MYO1E: variants seen among roughly 807,000 people sequenced by gnomAD.
MYO1E encodes unconventional myosin-Ie.
MYO1E carries 68 observed loss-of-function variants against 151.1 expected under a neutral mutation model. That is an observed-to-expected ratio of 0.45 (90% CI 0.37 to 0.55). MYO1E has a LOEUF of 0.55. Among genes scored for constraint, MYO1E ranks in the 20% least tolerant of loss-of-function variants. MYO1E has a pLI of 0.00. For synonymous variants in MYO1E, 601 were observed against 501.7 expected (o/e 1.20, Z -2.64); for missense variants, 1,363 against 1,389.3 (o/e 0.98, Z 0.30).
chr15:59,359,101 T>G (rs1158077639), intron 1 of MYO1E, among the ~76,000 whole-genome samples: 1 of 151,940 alleles, frequency 6.6e-6, no homozygotes, highest in Non-Finnish European at 1.5e-5. Context: ...CTTCTCATCT[T>G]GACATTCTAT....
chr15:59,161,203 G>C lies in MYO1E; in HGVS notation c.2655C>G (p.Asn885Lys), dbSNP rs771221933. 1.2e-6 allele frequency: 2 copies of C among 1,613,930 alleles called. No homozygotes were observed. The highest frequency in any genetic ancestry group is 1.7e-6 in the Non-Finnish European group (2 of 1,179,860). Residue 885 changes from asparagine (N) to lysine (K), a missense_variant, in exon 24 of 28, where the codon AAC becomes AAG. By Grantham distance (94) the Asn-to-Lys change is moderately conservative. Transcript: ENST00000288235. ...NTLELKLKKE[N>K]WGPWSAGGSR... Reference sequence around the variant, plus strand: ...AGCCCCCTGCACTCCAGGGGCCCCAGTTTTCCTTTTTCAACTTCAGTTCAA... The same window carrying C: ...AGCCCCCTGCACTCCAGGGGCCCCACTTTTCCTTTTTCAACTTCAGTTCAA...
intron 26 of MYO1E, among the ~76,000 whole-genome samples, chr15:59,150,562 C>T (rs1257541350): frequency 3.9e-5 from 6 of 152,182 alleles, no homozygotes; most frequent in Non-Finnish European, 1.5e-5. Context: ...CTTTTAATAC[C>T]CTGCCTACTT....
chr15:59,213,800 C>A (rs2079896381), intron 12 of MYO1E, among the ~76,000 whole-genome samples: 1 of 152,148 alleles, frequency 6.6e-6, no homozygotes, highest in African/African-American at 2.4e-5. Context: ...AGGCATGTTA[C>A]CTCAGGTAAG....
chr15:59,208,187 A>G, intron 14 of MYO1E: 1 of 1,074,836 alleles, frequency 9.3e-7, no homozygotes. Flanking sequence ...AGATGGAAAC[A>G]GGAAAGTAGG....
At position 59,134,326 on chromosome 15, in the gene MYO1E, CTT is replaced by C. The variant is rs1254812080; in HGVS notation, c.*3052_*3053del. 1 of 152,214 alleles carries C rather than the reference CTT, an allele frequency of 6.6e-6. No individual in the cohort carries two copies. Among genetic ancestry groups the C allele is most frequent in the East Asian group, 1.9e-4 (1 of 5,198 alleles). The allele number at this position is 152,214 out of a possible 1,614,324, so 9.4% of individuals were successfully genotyped here. A position where few individuals can be genotyped will look rare whatever the true frequency, so the allele number is the denominator to read the frequency against. The stretch of plus-strand genomic sequence containing the variant: ...CAAGCTTATTCAAGAAGGCTTCACC[CTT>C]TGTCCTCTCCACATGTCTCTGTATT... On this transcript the variant is annotated 3_prime_UTR_variant, in exon 28 of 28. Coordinates refer to ENST00000288235, the MANE Select transcript of MYO1E (RefSeq NM_004998.4).
intron 1 of MYO1E, among the ~76,000 whole-genome samples, chr15:59,298,359 G>T (rs1168031145): frequency 6.6e-6 from 1 of 152,192 alleles, no homozygotes; most frequent in East Asian, 1.9e-4. Context: ...GTTCCAGAGA[G>T]GCTGAGGTTG....
intron 1 of MYO1E, among the ~76,000 whole-genome samples, chr15:59,355,930 G>A (rs1310979117): frequency 6.6e-6 from 1 of 152,092 alleles, no homozygotes; most frequent in Non-Finnish European, 1.5e-5. Context: ...TGTTGCCCAG[G>A]CTGGTTTCGA....
Position 59,223,200 on chromosome 15 carries a change from G to C in MYO1E, c.778-9C>G. The C allele has an allele frequency of 6.2e-7, 1 of 1,610,744 alleles. No homozygotes were observed. The highest frequency in any genetic ancestry group is 8.5e-7 in the Non-Finnish European group (1 of 1,178,284). On this transcript the variant is annotated splice_polypyrimidine_tract_variant and intron_variant, in intron 8 of 27. Coordinates refer to ENST00000288235, the MANE Select transcript of MYO1E (RefSeq NM_004998.4). ...ATCACATTCATGGCGTGCTGGAAGAGAAAAGAGAAACTATCCAGAGAAGCT... is the reference window on the plus strand; with the variant it reads ...ATCACATTCATGGCGTGCTGGAAGACAAAAGAGAAACTATCCAGAGAAGCT...
At chr15:59,202,650 T>A (rs2079809305) in intron 15 of MYO1E, among the ~76,000 whole-genome samples, 1 of 152,178 alleles carries the variant, frequency 6.6e-6, no homozygotes, top group Non-Finnish European at 1.5e-5. Context: ...GCAAAATAAA[T>A]TTTAAAACAA....
intron 1 of MYO1E, among the ~76,000 whole-genome samples, chr15:59,302,790 T>G (rs1401894612): frequency 3.3e-5 from 5 of 152,186 alleles, no homozygotes; most frequent in African/African-American, 1.2e-4. Context: ...ATATAAATTA[T>G]ACAAATATGT....
chr15:59,340,172 T>C (rs1367488815), intron 1 of MYO1E, among the ~76,000 whole-genome samples: 2 of 152,080 alleles, frequency 1.3e-5, no homozygotes, highest in Admixed American at 6.5e-5. Flanking sequence ...AAATATTTTT[T>C]AAATTGGCTG....
chr15:59,356,878 A>C (rs2080855944), intron 1 of MYO1E, among the ~76,000 whole-genome samples: 1 of 132,672 alleles, frequency 7.5e-6, no homozygotes, highest in South Asian at 2.6e-4. Context: ...CCTCCTGTTA[A>C]GTTTTTTTTT....
intron 1 of MYO1E, among the ~76,000 whole-genome samples, chr15:59,352,599 AAC>A (rs2080829348): frequency 6.6e-6 from 1 of 152,184 alleles, no homozygotes; most frequent in Non-Finnish European, 1.5e-5. Flanking sequence ...GGTAACCTTA[AAC>A]ACGGTACCTA....
rs139854395 is a variant in MYO1E, at chr15:59,182,913, G to C, written c.1905-4376C>G. 3.2e-4 allele frequency among the ~76,000 whole-genome samples: 49 copies of C among 152,314 alleles called. No homozygotes were observed. The East Asian group carries it at 7.1e-3, about 22-fold the overall frequency. On this transcript the variant is annotated intron_variant, in intron 18 of 27. Coordinates refer to ENST00000288235, the MANE Select transcript of MYO1E (RefSeq NM_004998.4). The stretch of plus-strand genomic sequence containing the variant: ...GTGGGGATGGTTTTGGGATGAAACT[G>C]TTCCACCTCAGGTCATCAGGCATTA...
At chr15:59,333,171 C>T (rs1174548621) in intron 1 of MYO1E, among the ~76,000 whole-genome samples, 1 of 152,232 alleles carries the variant, frequency 6.6e-6, no homozygotes, top group African/African-American at 2.4e-5. Flanking sequence ...TCCTATATCC[C>T]AGTTCCACAT....
chr15:59,201,958 T>C (rs2079804986), intron 16 of MYO1E, among the ~76,000 whole-genome samples: 1 of 152,228 alleles, frequency 6.6e-6, no homozygotes, highest in Non-Finnish European at 1.5e-5. Context: ...TGGCAGGTTT[T>C]TGGGCCTGGC....
chr15:59,225,488 G>A (rs1334927063), intron 7 of MYO1E, among the ~76,000 whole-genome samples: 1 of 152,036 alleles, frequency 6.6e-6, no homozygotes, highest in Non-Finnish European at 1.5e-5. Flanking sequence ...CAGGATCCTG[G>A]CTTTCCTCCT....
chr15:59,250,926 G>C (rs1332763196), intron 4 of MYO1E, among the ~76,000 whole-genome samples: 2 of 152,154 alleles, frequency 1.3e-5, no homozygotes, highest in Admixed American at 6.5e-5. Flanking sequence ...AGTGCAGGTG[G>C]AGGGAGACAC....
intron 22 of MYO1E, among the ~76,000 whole-genome samples, chr15:59,164,479 C>T (rs1271835650): frequency 6.6e-6 from 1 of 152,216 alleles, no homozygotes; most frequent in East Asian, 1.9e-4. Context: ...CACTCAGGAG[C>T]TCTGCTCTGC....
Sources: gnomAD v4.1 joint callset for allele counts (sites outside exome capture counted in the v4.1 genomes callset) on GRCh38, gnomAD v4.1.1 for gene constraint, MANE v1.5 for transcripts, NCBI Gene and HGNC (gene_info 2026-07-23, HGNC 2026-07-21) for gene names.